The following RARB variants were observed in gnomAD, a reference collection of about 807,000 sequenced individuals.
RARB encodes HBV-activated protein.
A neutral mutation model predicts 51.9 loss-of-function variants in RARB; 17 were observed. That is an observed-to-expected ratio of 0.33 (90% CI 0.22 to 0.49). The LOEUF is 0.49. RARB is among the 20% of genes least tolerant of loss of function. RARB has a pLI of 0.99. For synonymous variants in RARB, 215 were observed against 195.4 expected (o/e 1.10, Z -0.84); for missense variants, 369 against 550.8 (o/e 0.67, Z 3.30).
chr3:25,462,729 C>G (rs907738496), intron 2 of RARB, among the ~76,000 whole-genome samples: 4 of 152,200 alleles, frequency 2.6e-5, no homozygotes, highest in Non-Finnish European at 4.4e-5. Flanking sequence ...TATCTCTGGG[C>G]AGTTGTAGGT....
intron 1 of RARB, among the ~76,000 whole-genome samples, chr3:24,846,933 A>AC (rs1382238588): frequency 6.6e-6 from 1 of 152,174 alleles, no homozygotes; most frequent in Non-Finnish European, 1.5e-5. Context: ...AAGATTAAGC[A>AC]GTTGTATTGA....
intron 2 of RARB, among the ~76,000 whole-genome samples, chr3:24,871,172 C>G (rs1702939826): frequency 6.6e-6 from 1 of 151,902 alleles, no homozygotes; most frequent in South Asian, 2.1e-4. Flanking sequence ...AATTTTTAAC[C>G]AGCATGTTTG....
At chr3:25,327,792 T>A (rs28655271) in intron 5 of RARB, among the ~76,000 whole-genome samples, 1 of 152,192 alleles carries the variant, frequency 6.6e-6, no homozygotes, top group Non-Finnish European at 1.5e-5. Context: ...TGAGATTGGA[T>A]GCAAACAATG....
intron 5 of RARB, among the ~76,000 whole-genome samples, chr3:25,236,153 G>T (rs1285471628): frequency 6.6e-6 from 1 of 151,992 alleles, no homozygotes; most frequent in African/African-American, 2.4e-5. Context: ...TTGTATAAAT[G>T]AATAACTTTA....
At chr3:25,375,419 T>C (rs1478535180) in intron 5 of RARB, among the ~76,000 whole-genome samples, 4 of 152,212 alleles carry the variant, frequency 2.6e-5, no homozygotes, top group Non-Finnish European at 5.9e-5. Flanking sequence ...GTTGTGTTAA[T>C]ATCAGTGGTT....
intron 2 of RARB, among the ~76,000 whole-genome samples, chr3:24,863,070 C>T (rs1375181247): frequency 6.6e-6 from 1 of 152,164 alleles, no homozygotes; most frequent in African/African-American, 2.4e-5. Flanking sequence ...CCCATATTAA[C>T]ACAGAGCATG....
intron 5 of RARB, among the ~76,000 whole-genome samples, chr3:25,318,933 G>A (rs1559355617): frequency 6.6e-6 from 1 of 152,094 alleles, no homozygotes; most frequent in Non-Finnish European, 1.5e-5. Context: ...GTAGTGCCCA[G>A]CATAGATAGT....
At chr3:24,893,084 T>C (rs1178364233) in intron 2 of RARB, among the ~76,000 whole-genome samples, 2 of 152,184 alleles carry the variant, frequency 1.3e-5, no homozygotes, top group Non-Finnish European at 2.9e-5. Flanking sequence ...CCCTTTGATA[T>C]TTTGCCCAAA....
intron 2 of RARB, among the ~76,000 whole-genome samples, chr3:24,872,534 G>C (rs1018715431): frequency 2.6e-5 from 4 of 152,180 alleles, no homozygotes; most frequent in African/African-American, 9.6e-5. Flanking sequence ...ACCTCAGGAA[G>C]CTTCCAACCA....
At chr3:25,246,186 T>G (rs563343188) in intron 5 of RARB, among the ~76,000 whole-genome samples, 1 of 152,212 alleles carries the variant, frequency 6.6e-6, no homozygotes, top group African/African-American at 2.4e-5. Context: ...TGTATGTTCT[T>G]CTCTAAACTA....
At chr3:25,018,137 A>C (rs1000895315) in intron 2 of RARB, among the ~76,000 whole-genome samples, 1 of 152,234 alleles carries the variant, frequency 6.6e-6, no homozygotes, top group Non-Finnish European at 1.5e-5. Context: ...GTAGATTGGA[A>C]GTTTTATAAG....
intron 5 of RARB, among the ~76,000 whole-genome samples, chr3:25,383,884 C>A (rs529798638): frequency 4.0e-5 from 6 of 149,972 alleles, no homozygotes; most frequent in African/African-American, 1.5e-4. Context: ...GAGCTGAGTT[C>A]ACGCCATTGC....
chr3:25,219,121 A>G (rs894029517), intron 5 of RARB, among the ~76,000 whole-genome samples: 1 of 152,194 alleles, frequency 6.6e-6, no homozygotes, highest in African/African-American at 2.4e-5. Context: ...TGGGGAACCA[A>G]AGACCCTTAA....
chr3:25,422,821 A>G (rs1195642740), intron 5 of RARB, among the ~76,000 whole-genome samples: 1 of 152,224 alleles, frequency 6.6e-6, no homozygotes, highest in East Asian at 1.9e-4. Flanking sequence ...CCAAATGTAT[A>G]TAGCTAGGTT....
At chr3:24,950,031 A>G (rs950105030) in intron 2 of RARB, among the ~76,000 whole-genome samples, 25 of 152,246 alleles carry the variant, frequency 1.6e-4, no homozygotes, top group Admixed American at 1.6e-3. Context: ...ATATTGTGCC[A>G]TTGAAATGTT....
intron 5 of RARB, among the ~76,000 whole-genome samples, chr3:25,262,542 G>T (rs1170964303): frequency 6.6e-6 from 1 of 152,106 alleles, no homozygotes; most frequent in Non-Finnish European, 1.5e-5. Context: ...CCTTTTCCAG[G>T]CTCTAGAGGC....
chr3:25,596,731 C>A lies in RARB; in HGVS notation c.*115C>A. 1.1e-6 allele frequency: 1 copy of A among 872,578 alleles called. No individual in the cohort carries two copies. Among genetic ancestry groups the A allele is most frequent in the Non-Finnish European group, 1.7e-6 (1 of 585,882 alleles). The allele number at this position is 872,578 out of a possible 1,614,324, so 54.1% of individuals were successfully genotyped here. On this transcript the variant is annotated 3_prime_UTR_variant, in exon 8 of 8. Coordinates refer to ENST00000330688, the MANE Select transcript of RARB (RefSeq NM_000965.5). ...TTTGGACTGAAAAGATATTAAAACT[C>A]AAGAAGGACCAAGAAGTTTTCATAT...
intron 5 of RARB, among the ~76,000 whole-genome samples, chr3:25,276,864 A>G (rs1703394460): frequency 6.6e-6 from 1 of 152,212 alleles, no homozygotes; most frequent in South Asian, 2.1e-4. Context: ...CTAATACGGT[A>G]TATATTGGCA....
chr3:25,417,643 A>G (rs1575385834), intron 5 of RARB, among the ~76,000 whole-genome samples: 1 of 152,292 alleles, frequency 6.6e-6, no homozygotes, highest in Non-Finnish European at 1.5e-5. Context: ...AGTCCGTTAA[A>G]TCTCTCTCTT....
Sources: gnomAD v4.1 joint callset for allele counts (sites outside exome capture counted in the v4.1 genomes callset) on GRCh38, gnomAD v4.1.1 for gene constraint, MANE v1.5 for transcripts, NCBI Gene and HGNC (gene_info 2026-07-23, HGNC 2026-07-21) for gene names.